The following PDK1 variants were observed in gnomAD, a reference collection of about 807,000 sequenced individuals.
The protein encoded by PDK1 is [Pyruvate dehydrogenase (acetyl-transferring)] kinase isozyme 1, mitochondrial.
A neutral mutation model predicts 54.2 loss-of-function variants in PDK1; 39 were observed. The ratio of observed to expected loss-of-function variants is 0.72; its 90% CI spans 0.56 to 0.94. The LOEUF (loss-of-function observed/expected upper bound fraction) is 0.94, where lower values mean the gene tolerates loss of function less well. Ranked by LOEUF, PDK1 falls within the 40% of genes least tolerant of loss-of-function variation. The pLI is 0.00. For missense variants in PDK1, 552 were observed against 566.0 expected, an observed-to-expected ratio of 0.98 and a Z score of 0.25; for synonymous variants, 221 against 207.1, an observed-to-expected ratio of 1.07 and a Z score of -0.58.
the PDK1 span, among the ~76,000 whole-genome samples, chr2:172,619,016 G>A: frequency 1.7e-4 from 26 of 152,296 alleles, no homozygotes; most frequent in South Asian, 5.4e-3. Flanking sequence ...ATGAAGTGCT[G>A]CAGTATCCGC....
intron 10 of PDK1, among the ~76,000 whole-genome samples, chr2:172,595,268 C>T (rs1340336280): frequency 6.6e-6 from 1 of 152,004 alleles, no homozygotes; most frequent in African/African-American, 2.4e-5. Flanking sequence ...CAGGATCTTG[C>T]TATGTTGCCC....
the PDK1 span, among the ~76,000 whole-genome samples, chr2:172,685,376 A>T: frequency 6.6e-6 from 1 of 152,154 alleles, no homozygotes; most frequent in Non-Finnish European, 1.5e-5. Context: ...TCCTGGATTA[A>T]AATCCTGAGG....
At chr2:172,622,837 G>GATATATGTTTATATATTATATGTAAT in the PDK1 span, among the ~76,000 whole-genome samples, 162 of 146,172 alleles carry the variant, frequency 1.1e-3, 1 homozygote, top group African/African-American at 3.8e-3. Context: ...TATGTAATAT[G>GATATATGTTTATATATTATATGTAAT]ATATATGTTT....
intron 7 of PDK1, among the ~76,000 whole-genome samples, chr2:172,569,655 TTC>T (rs1203178618): frequency 1.3e-5 from 2 of 152,216 alleles, no homozygotes; most frequent in Admixed American, 1.3e-4. Context: ...CAGCAGAATG[TTC>T]TTTCTTCCAA....
the PDK1 span, among the ~76,000 whole-genome samples, chr2:172,668,624 C>T: frequency 6.6e-6 from 1 of 151,594 alleles, no homozygotes; most frequent in African/African-American, 2.4e-5. Context: ...GATGGGTGCT[C>T]TGTAGCTGCC....
chr2:172,631,306 A>T, the PDK1 span, among the ~76,000 whole-genome samples: 1 of 152,236 alleles, frequency 6.6e-6, no homozygotes, highest in African/African-American at 2.4e-5. Flanking sequence ...CCAGATGTGT[A>T]CTGATTGTTG....
chr2:172,571,938 T>A (rs1348591512), intron 8 of PDK1, among the ~76,000 whole-genome samples: 1 of 150,512 alleles, frequency 6.6e-6, no homozygotes, highest in East Asian at 2.0e-4. Context: ...TTCAAGTGAT[T>A]CACCTGCCTC....
At chr2:172,656,272 C>T in the PDK1 span, among the ~76,000 whole-genome samples, 4 of 152,170 alleles carry the variant, frequency 2.6e-5, no homozygotes, top group African/African-American at 9.7e-5. Context: ...CAATAAGCTA[C>T]TATACATTCA....
the PDK1 span, among the ~76,000 whole-genome samples, chr2:172,695,465 C>G: frequency 6.6e-6 from 1 of 152,156 alleles, no homozygotes; most frequent in South Asian, 2.1e-4. Context: ...GAAACTCAAG[C>G]AGGCTAAATA....
At chr2:172,661,285 T>C in the PDK1 span, among the ~76,000 whole-genome samples, 3 of 152,216 alleles carry the variant, frequency 2.0e-5, no homozygotes, top group Non-Finnish European at 4.4e-5. Flanking sequence ...ACACAGCCAT[T>C]ATTTAAGCTT....
chr2:172,592,614 C>T (rs926870667), intron 9 of PDK1, among the ~76,000 whole-genome samples: 9 of 152,204 alleles, frequency 5.9e-5, no homozygotes, highest in Non-Finnish European at 1.0e-4. Context: ...CAAGAACCCA[C>T]TGGAAGGAAC....
the PDK1 span, among the ~76,000 whole-genome samples, chr2:172,701,631 GTT>G: frequency 2.4e-3 from 310 of 128,574 alleles, 2 homozygotes; most frequent in Non-Finnish European, 4.0e-3. Flanking sequence ...AGTTTATCCT[GTT>G]TTTTTTTTTG....
chr2:172,700,250 C>T, the PDK1 span, among the ~76,000 whole-genome samples: 4 of 151,978 alleles, frequency 2.6e-5, no homozygotes, highest in Non-Finnish European at 5.9e-5. Context: ...CATCATGGCC[C>T]GTTCTCAATG....
At chr2:172,718,760 A>T in the PDK1 span, among the ~76,000 whole-genome samples, 1 of 152,222 alleles carries the variant, frequency 6.6e-6, no homozygotes, top group Non-Finnish European at 1.5e-5. Flanking sequence ...AAGGCAATAT[A>T]ATAGAGGATT....
rs1197074120 is a variant in PDK1, at chr2:172,596,753, A to G, written c.*784A>G. 6.6e-6 allele frequency: 1 copy of G among 152,246 alleles called. No homozygotes were observed. The highest frequency in any genetic ancestry group is 1.5e-5 in the Non-Finnish European group (1 of 68,040). 9.4% of individuals were successfully genotyped at this position (152,246 alleles called of 1,614,324 possible). On this transcript the variant is annotated 3_prime_UTR_variant, in exon 11 of 11. Transcript: ENST00000282077. ...AACTGATTGCTTGTTGAGATTACCT[A>G]GAAAGCTTTTGGAAAAAAATAGAGC...
the PDK1 span, among the ~76,000 whole-genome samples, chr2:172,668,904 TATAGAGAGAG>T: frequency 1.4e-5 from 1 of 69,824 alleles, no homozygotes; most frequent in Non-Finnish European, 3.0e-5. Flanking sequence ...CATATATATA[TATAGAGAGAG>T]AGAGAGAGAG....
At chr2:172,615,625 A>G in the PDK1 span, among the ~76,000 whole-genome samples, 5 of 151,316 alleles carry the variant, frequency 3.3e-5, no homozygotes, top group South Asian at 2.1e-4. Context: ...CTCTGTCTCA[A>G]AAAAAAAAAC....
rs373068541 is a variant in PDK1, at chr2:172,583,475, G to A, written c.946-2803G>A. Reference sequence around the variant, plus strand: ...CGCCTGACTAATTTTTGTATTTTTAGTAGAGACAGGGTTTTGCCATGTTGG... The same window carrying A: ...CGCCTGACTAATTTTTGTATTTTTAATAGAGACAGGGTTTTGCCATGTTGG... On this transcript the variant is annotated intron_variant, in intron 8 of 10. Transcript: ENST00000282077. 8.6e-4 allele frequency among the ~76,000 whole-genome samples: 130 copies of A among 151,638 alleles called. 1 individual carries two copies. In the South Asian group the frequency reaches 0.019, roughly 23 times the overall value.
chr2:172,719,815 T>G, the PDK1 span, among the ~76,000 whole-genome samples: 2 of 152,242 alleles, frequency 1.3e-5, no homozygotes, highest in Admixed American at 6.5e-5. Context: ...AATGGTTATT[T>G]CAAATGGCTT....
Sources: gnomAD v4.1 joint callset for allele counts (sites outside exome capture counted in the v4.1 genomes callset) on GRCh38, gnomAD v4.1.1 for gene constraint, MANE v1.5 for transcripts, NCBI Gene and HGNC (gene_info 2026-07-23, HGNC 2026-07-21) for gene names.